Variants in NRIP1 observed in about 807,000 individuals in gnomAD.
NRIP1 encodes nuclear receptor interacting protein 1.
In NRIP1, 28 loss-of-function variants were observed where a neutral mutation model predicts 75.0. That is an observed-to-expected ratio of 0.37 (90% CI 0.28 to 0.51). The LOEUF (loss-of-function observed/expected upper bound fraction) is 0.51, where lower values mean the gene tolerates loss of function less well. Among genes scored for constraint, NRIP1 ranks in the 20% least tolerant of loss-of-function variants. The probability of loss-of-function intolerance (pLI) is 0.92; values close to 1 mark genes in which losing one functional copy is unlikely to be tolerated. For missense variants in NRIP1, 1,435 were observed against 1,343.7 expected (o/e 1.07, Z -1.06); for synonymous variants, 526 against 487.6 (o/e 1.08, Z -1.04).
rs555642861 is a variant in NRIP1, at chr21:14,997,131, C to T, written c.-335+17213G>A. ...ATCACCCCAGTCTCCTACAGATCTA[C>T]AAAAAATCTCTAAATGCCAATAAAT... On this transcript the variant is annotated intron_variant, in intron 3 of 3. Coordinates refer to ENST00000318948, the MANE Select transcript of NRIP1 (RefSeq NM_003489.4). Among the ~76,000 whole-genome samples the T allele has an allele frequency of 5.9e-5, 9 of 151,766 alleles. No individual in the cohort carries two copies. The South Asian group carries it at 1.2e-3, about 21-fold the overall frequency.
chr21:15,030,732 G>A (rs967577474), intron 2 of NRIP1, among the ~76,000 whole-genome samples: 3 of 152,370 alleles, frequency 2.0e-5, no homozygotes, highest in South Asian at 2.1e-4. Context: ...AGGATAGGTG[G>A]TAAGGAGGGA....
At chr21:14,975,658 GGAGA>G (rs373431636) in intron 3 of NRIP1, among the ~76,000 whole-genome samples, 8,535 of 140,312 alleles carry the variant, frequency 0.061, 255 homozygotes, top group Admixed American at 0.082. Flanking sequence ...AGGAAGGAAG[GGAGA>G]GAGAGAGAGA....
intron 1 of NRIP1, among the ~76,000 whole-genome samples, chr21:15,045,901 T>A (rs2089063723): frequency 6.6e-6 from 1 of 152,240 alleles, no homozygotes; most frequent in African/African-American, 2.4e-5. Flanking sequence ...TAACTCCTCA[T>A]CCGTCCATGT....
chr21:14,980,749 A>G (rs2087212036), intron 3 of NRIP1, among the ~76,000 whole-genome samples: 1 of 152,044 alleles, frequency 6.6e-6, no homozygotes, highest in Non-Finnish European at 1.5e-5. Flanking sequence ...TACAATTTGC[A>G]AACTACTTAT....
chr21:15,047,280 G>A (rs1004261704), intron 1 of NRIP1, among the ~76,000 whole-genome samples: 3 of 146,352 alleles, frequency 2.0e-5, no homozygotes, highest in Non-Finnish European at 4.5e-5. Flanking sequence ...GGTGGCTCAC[G>A]CCTGTAATTC....
intron 1 of NRIP1, among the ~76,000 whole-genome samples, chr21:15,047,125 G>A (rs965540281): frequency 6.6e-5 from 10 of 152,188 alleles, no homozygotes; most frequent in Non-Finnish European, 1.5e-4. Context: ...TCAGAGTTCC[G>A]CATTGTTGGG....
chr21:15,011,792 T>C (rs1214815597), intron 3 of NRIP1, among the ~76,000 whole-genome samples: 1 of 152,144 alleles, frequency 6.6e-6, no homozygotes, highest in Non-Finnish European at 1.5e-5. Context: ...TATTATACAC[T>C]GAGATAAACA....
intron 3 of NRIP1, chr21:14,971,419 A>C (rs796968304): frequency 2.6e-4 from 40 of 152,348 alleles, no homozygotes; most frequent in African/African-American, 9.4e-4. Flanking sequence ...GGAGAAGGTC[A>C]TTCTAAATAT....
At position 14,965,348 on chromosome 21, in the gene NRIP1, A is replaced by G. The variant is rs2086703438; in HGVS notation, c.2845T>C (p.Leu949=). The G allele has an allele frequency of 6.2e-7, 1 of 1,614,036 alleles. No individual in the cohort carries two copies. The highest frequency in any genetic ancestry group is 8.5e-7 in the Non-Finnish European group (1 of 1,179,948). The change falls in exon 4 of 4, where the codon TTG becomes CTG. Residue 949 remains leucine (L), a synonymous_variant. Transcript: ENST00000318948. The part of the protein sequence containing the change: ...LLLSENCVRD[L]SPHRSNSVAD... Reference sequence around the variant, plus strand: ...ACAGAGTTACTTCTGTGCGGGGACAAATCTCGCACACAGTTTTCTGAGAGA... The same window carrying G: ...ACAGAGTTACTTCTGTGCGGGGACAGATCTCGCACACAGTTTTCTGAGAGA...
At chr21:14,996,397 G>A (rs2087725549) in intron 3 of NRIP1, among the ~76,000 whole-genome samples, 1 of 152,160 alleles carries the variant, frequency 6.6e-6, no homozygotes, top group South Asian at 2.1e-4. Flanking sequence ...TGTGTGAGTG[G>A]TTCTCTCTTT....
intron 2 of NRIP1, among the ~76,000 whole-genome samples, chr21:15,042,646 T>C (rs1375392761): frequency 1.3e-5 from 2 of 152,202 alleles, no homozygotes; most frequent in Non-Finnish European, 2.9e-5. Flanking sequence ...CCTCCACCCA[T>C]GTGAGGTTAC....
chr21:15,031,902 C>T (rs2088707340), intron 2 of NRIP1, among the ~76,000 whole-genome samples: 1 of 151,662 alleles, frequency 6.6e-6, no homozygotes, highest in Non-Finnish European at 1.5e-5. Context: ...TGGAGGTTCA[C>T]CACATTCCCT....
Position 14,963,449 on chromosome 21 carries a change from G to A in NRIP1, c.*1267C>T, listed in dbSNP as rs1367299121. 3 of 152,422 alleles carry A rather than the reference G, an allele frequency of 2.0e-5. No individual in the cohort carries two copies. The highest frequency in any genetic ancestry group is 4.4e-5 in the Non-Finnish European group (3 of 67,962). 9.4% of individuals were successfully genotyped at this position (152,422 alleles called of 1,614,324 possible). On this transcript the variant is annotated 3_prime_UTR_variant, in exon 4 of 4. Transcript: ENST00000318948. ...AAGTTATCCCCTCCACCCAATTTTT[G>A]TCATAAAAAGTGTTCTGAACCCGAT...
At chr21:15,030,939 G>GCGCTCGGAGGAT (rs1600897280) in intron 2 of NRIP1, among the ~76,000 whole-genome samples, 1 of 129,288 alleles carries the variant, frequency 7.7e-6, no homozygotes, top group East Asian at 2.0e-4. Context: ...ACTCTGGAAG[G>GCGCTCGGAGGAT]CACTCAGAGG....
intron 2 of NRIP1, among the ~76,000 whole-genome samples, chr21:15,035,322 A>C (rs2088807245): frequency 6.6e-6 from 1 of 152,188 alleles, no homozygotes; most frequent in African/African-American, 2.4e-5. Context: ...CAAGTTTACA[A>C]GGTAATAAGT....
At chr21:15,053,004 T>C (rs930206605) in intron 1 of NRIP1, among the ~76,000 whole-genome samples, 1 of 152,212 alleles carries the variant, frequency 6.6e-6, no homozygotes, top group African/African-American at 2.4e-5. Context: ...CAGATTTTAA[T>C]TTTACTTTTG....
intron 3 of NRIP1, among the ~76,000 whole-genome samples, chr21:15,000,252 T>C (rs578246102): frequency 1.3e-3 from 194 of 152,224 alleles, no homozygotes; most frequent in Middle Eastern, 3.4e-3. Flanking sequence ...CCATGAACAC[T>C]GCACAGATTG....
At chr21:14,977,015 T>G (rs914565778) in intron 3 of NRIP1, among the ~76,000 whole-genome samples, 2 of 152,168 alleles carry the variant, frequency 1.3e-5, no homozygotes, top group Non-Finnish European at 2.9e-5. Context: ...ATTTCTACAA[T>G]GCAGCTTTGA....
chr21:15,010,128 GA>G (rs1218674650), intron 3 of NRIP1, among the ~76,000 whole-genome samples: 1 of 152,126 alleles, frequency 6.6e-6, no homozygotes, highest in Non-Finnish European at 1.5e-5. Flanking sequence ...CTCTAATCCA[GA>G]ATGAAGAAAT....
Sources: allele counts gnomAD v4.1 joint callset (sites outside exome capture counted in the v4.1 genomes callset), GRCh38; gene constraint gnomAD v4.1.1; transcripts MANE v1.5; gene names NCBI Gene and HGNC (gene_info 2026-07-23, HGNC 2026-07-21).